The following PRKN variants were observed in gnomAD, a reference collection of about 807,000 sequenced individuals.
The protein encoded by PRKN is E3 ubiquitin-protein ligase parkin.
In PRKN, 56 loss-of-function variants were observed where a neutral mutation model predicts 59.5. The ratio of observed to expected loss-of-function variants is 0.94; its 90% CI spans 0.76 to 1.18. The LOEUF (loss-of-function observed/expected upper bound fraction) is 1.18. PRKN is among the 50% of genes most tolerant of loss of function. The probability of loss-of-function intolerance (pLI) is 0.00; values close to 1 mark genes in which losing one functional copy is unlikely to be tolerated. For synonymous variants in PRKN, 250 were observed against 222.1 expected (o/e 1.13, Z -1.12); for missense variants, 657 against 596.4 (o/e 1.10, Z -1.06).
chr6:162,054,082 G>A lies in PRKN; in HGVS notation c.618+9C>T. On this transcript the variant is annotated intron_variant, in intron 5 of 11. Transcript: ENST00000366898. ...GCAATAAGAGGAATGAATGTGACCA[G>A]GTACTTACTGCACTAGTCCCAGGGC... 2 of 1,564,604 alleles carry A rather than the reference G, an allele frequency of 1.3e-6. No individual in the cohort carries two copies. Among genetic ancestry groups the A allele is most frequent in the Non-Finnish European group, 1.8e-6 (2 of 1,134,810 alleles).
intron 1 of PRKN, among the ~76,000 whole-genome samples, chr6:162,534,281 T>C (rs1420899850): frequency 6.6e-6 from 1 of 152,182 alleles, no homozygotes; most frequent in African/African-American, 2.4e-5. Context: ...AGCTACTTCA[T>C]GTCTCTCCAC....
intron 1 of PRKN, among the ~76,000 whole-genome samples, chr6:162,667,801 G>A (rs1390018257): frequency 6.6e-6 from 1 of 152,040 alleles, no homozygotes; most frequent in Non-Finnish European, 1.5e-5. Context: ...TAACTTCTTA[G>A]AGCCTCAGTT....
chr6:162,027,772 T>A (rs895553036), intron 5 of PRKN, among the ~76,000 whole-genome samples: 1 of 151,934 alleles, frequency 6.6e-6, no homozygotes, highest in Non-Finnish European at 1.5e-5. Context: ...TATTCACAGA[T>A]CTTAGCACAG....
Position 161,429,443 on chromosome 6 carries a change from A to T in PRKN, c.1084-42566T>A, listed in dbSNP as rs1034678782. ...ACCTGGGGAGCCATGGTTAAGAGGG[A>T]CGGAGAAATAACACGAATGTGGTGA... is the stretch of plus-strand genomic sequence containing the variant. On this transcript the variant is annotated intron_variant, in intron 9 of 11. Transcript: ENST00000366898. The surrounding 1 kb of genome is among the most constrained non-coding windows in gnomAD (Gnocchi z 4.2). 6.6e-6 allele frequency among the ~76,000 whole-genome samples: 1 copy of T among 152,184 alleles called. No homozygotes were observed. Among genetic ancestry groups the T allele is most frequent in the Non-Finnish European group, 1.5e-5 (1 of 68,032 alleles).
intron 2 of PRKN, among the ~76,000 whole-genome samples, chr6:162,319,632 G>A (rs1398142322): frequency 6.6e-6 from 1 of 151,988 alleles, no homozygotes. Flanking sequence ...AAACCAATAA[G>A]GAAAATACAT....
At chr6:162,688,871 C>T (rs1356184420) in intron 1 of PRKN, among the ~76,000 whole-genome samples, 1 of 151,824 alleles carries the variant, frequency 6.6e-6, no homozygotes, top group South Asian at 2.1e-4. Flanking sequence ...TACTTTTTTC[C>T]CCCCAGTTGT....
At chr6:162,525,139 G>GGA (rs1432105667) in intron 1 of PRKN, among the ~76,000 whole-genome samples, 3 of 152,126 alleles carry the variant, frequency 2.0e-5, no homozygotes, top group Admixed American at 6.6e-5. Context: ...CCAAGCGCCA[G>GGA]TTAGTCCTGC....
At chr6:162,473,898 C>G (rs900137458) in intron 1 of PRKN, among the ~76,000 whole-genome samples, 1 of 152,098 alleles carries the variant, frequency 6.6e-6, no homozygotes, top group African/African-American at 2.4e-5. Context: ...AAAAATGTCA[C>G]CATAATTATA....
intron 5 of PRKN, among the ~76,000 whole-genome samples, chr6:162,001,616 T>C (rs1364557609): frequency 6.6e-6 from 1 of 152,036 alleles, no homozygotes; most frequent in East Asian, 1.9e-4. Context: ...TTTTATTTCT[T>C]CCTTCCCAAT....
chr6:162,086,474 G>A (rs1037473126), intron 4 of PRKN, among the ~76,000 whole-genome samples: 2 of 152,148 alleles, frequency 1.3e-5, no homozygotes, highest in Non-Finnish European at 2.9e-5. Flanking sequence ...GGAGCAAAAC[G>A]ACTCGCTGTT....
rs1362063795 is a variant in PRKN at position 162,643,728 on chromosome 6, T to C, written c.7+83934A>G. On this transcript the variant is annotated intron_variant, in intron 1 of 11. Transcript: ENST00000366898. ...ATGAATATAGTGGCTTTCATTAATA[T>C]ACAATGTATTTTTATCATTTCTGAA... Among the ~76,000 whole-genome samples, 4 of 152,216 alleles carry C rather than the reference T, an allele frequency of 2.6e-5. No individual in the cohort carries two copies. In the South Asian group the frequency reaches 8.3e-4, roughly 31 times the overall value.
chr6:161,478,233 C>T (rs534255999), intron 9 of PRKN, among the ~76,000 whole-genome samples: 5 of 152,128 alleles, frequency 3.3e-5, no homozygotes, highest in Admixed American at 1.3e-4. Context: ...CAGCTTGCCT[C>T]GGGCAAACTG....
chr6:161,561,790 A>G lies in PRKN; in HGVS notation c.933+7565T>C, dbSNP rs865953713. Among the ~76,000 whole-genome samples, 9 of 152,302 alleles carry G rather than the reference A, an allele frequency of 5.9e-5. No individual in the cohort carries two copies. The Middle Eastern group carries it at 0.014, about 230-fold the overall frequency. On this transcript the variant is annotated intron_variant, in intron 8 of 11. Coordinates refer to ENST00000366898, the MANE Select transcript of PRKN (RefSeq NM_004562.3). This position sits in a 1 kb window ranked among gnomAD's most constrained non-coding sequence, Gnocchi z 5.0. ...CAAGTTCTGGCCCTTCGATCTTTAA[A>G]GAACTGTCTTGTGGTTGCTGCATTT...
chr6:162,043,504 T>C (rs1305483963), intron 5 of PRKN, among the ~76,000 whole-genome samples: 2 of 152,162 alleles, frequency 1.3e-5, no homozygotes, highest in Non-Finnish European at 2.9e-5. Flanking sequence ...GCTTCACAAA[T>C]GGACAAATGG....
rs1003023211 is a variant in PRKN, at chr6:161,459,609, C to T, written c.1084-72732G>A. On this transcript the variant is annotated intron_variant, in intron 9 of 11. Transcript: ENST00000366898. This position sits in a 1 kb window ranked among gnomAD's most constrained non-coding sequence, Gnocchi z 4.8. ...CTGATGCCCCAGCTTCTCTGAGATC[C>T]ATCCTGCTGTCAGCCCTAGAACTCC... Among the ~76,000 whole-genome samples the T allele has an allele frequency of 6.6e-6, 1 of 152,190 alleles. No homozygotes were observed. The highest frequency in any genetic ancestry group is 1.5e-5 in the Non-Finnish European group (1 of 68,030).
At chr6:162,184,777 G>A (rs1002469159) in intron 4 of PRKN, among the ~76,000 whole-genome samples, 2 of 152,132 alleles carry the variant, frequency 1.3e-5, no homozygotes, top group South Asian at 4.1e-4. Flanking sequence ...CATTTCACAC[G>A]TGCTTTAAAG....
At chr6:162,333,926 G>A (rs549844384) in intron 2 of PRKN, among the ~76,000 whole-genome samples, 1 of 152,262 alleles carries the variant, frequency 6.6e-6, no homozygotes, top group South Asian at 2.1e-4. Flanking sequence ...CAAACGAAAC[G>A]AAAGCAAACA....
intron 2 of PRKN, among the ~76,000 whole-genome samples, chr6:162,310,532 T>C (rs1782451834): frequency 1.3e-5 from 2 of 152,034 alleles, no homozygotes; most frequent in Non-Finnish European, 2.9e-5. Flanking sequence ...TGGGGCATTC[T>C]GACCTCCAGA....
chr6:161,691,484 T>C (rs1785790993), intron 7 of PRKN, among the ~76,000 whole-genome samples: 1 of 152,246 alleles, frequency 6.6e-6, no homozygotes, highest in South Asian at 2.1e-4. Flanking sequence ...AAGGAGAATC[T>C]ACTTAACATG....
Sources: allele counts gnomAD v4.1 joint callset (sites outside exome capture counted in the v4.1 genomes callset), GRCh38; gene constraint gnomAD v4.1.1; non-coding constraint Gnocchi (gnomAD v3.1); transcripts MANE v1.5; gene names NCBI Gene and HGNC (gene_info 2026-07-23, HGNC 2026-07-21).